The following KLHL7 variants were observed in gnomAD, a reference collection of about 807,000 sequenced individuals.
KLHL7 encodes the protein kelch-like protein 7.
Under a neutral mutation model 67.4 loss-of-function variants are expected in KLHL7, and 44 were observed. The observed-to-expected ratio is 0.65, with a 90% CI of 0.51 to 0.84. The LOEUF is 0.84. Ranked by LOEUF, KLHL7 falls within the 40% of genes least tolerant of loss-of-function variation. The pLI is 0.00. For synonymous variants in KLHL7, 252 were observed against 243.3 expected, an observed-to-expected ratio of 1.04 and a Z score of -0.33; for missense variants, 362 against 718.1, an observed-to-expected ratio of 0.50 and a Z score of 5.67.
chr7:23,125,314 T>A, intron 4 of KLHL7, 142 bp downstream of exon 4: 6 of 788,798 alleles, frequency 7.6e-6, no homozygotes, highest in Non-Finnish European at 1.2e-5. Context: ...GTAATAAAAT[T>A]TAAGAGGGGC....
chr7:23,171,555 G>A (rs891513769), intron 9 of KLHL7, among the ~76,000 whole-genome samples: 15 of 152,202 alleles, frequency 9.9e-5, no homozygotes, highest in African/African-American at 3.6e-4. Flanking sequence ...CAGGAGCCAT[G>A]CTGTCCACCT....
At chr7:23,127,372 C>T (rs981538826) in intron 4 of KLHL7, among the ~76,000 whole-genome samples, 1 of 152,120 alleles carries the variant, frequency 6.6e-6, no homozygotes, top group Admixed American at 6.6e-5. Context: ...AGGACAGCCC[C>T]GCCACCTAGA....
At position 23,167,868 on chromosome 7, in the gene KLHL7, G is replaced by T. The variant is rs762868098; in HGVS notation, c.1210G>T (p.Asp404Tyr). ...NSALYLFECY[D>Y]TRTESWHTKP... ...AGCTCTGTATTTATTTGAGTGCTAT[G>T]ATACGAGAACTGAAAGCTGGCACAC... Residue 404 changes from aspartate to tyrosine, a missense_variant, in exon 9 of 11, where the codon GAT (aspartate) becomes TAT (tyrosine). Physicochemically the swap from Asp to Tyr is radical, Grantham distance 160 (BLOSUM62 -3). Around this residue, in one of 5 missense-constraint regions of KLHL7, gnomAD observed 136 missense variants for 252.7 expected, o/e 0.54. Coordinates refer to ENST00000339077, the MANE Select transcript of KLHL7 (RefSeq NM_001031710.3). The T allele has an allele frequency of 1.3e-5, 21 of 1,614,176 alleles. No homozygotes were observed. The highest frequency in any genetic ancestry group is 1.8e-5 in the Non-Finnish European group (21 of 1,180,024).
intron 1 of KLHL7, among the ~76,000 whole-genome samples, chr7:23,109,610 T>C (rs1583630321): frequency 6.6e-6 from 1 of 152,232 alleles, no homozygotes; most frequent in East Asian, 1.9e-4. Context: ...GGCAGTTAAC[T>C]GGGCTCACCT....
chr7:23,137,754 C>T (rs961878434), intron 4 of KLHL7, among the ~76,000 whole-genome samples: 1 of 150,648 alleles, frequency 6.6e-6, no homozygotes, highest in African/African-American at 2.4e-5. Flanking sequence ...GCTGGGGTTA[C>T]AGGCATGAGC....
At chr7:23,133,416 T>TTTTATTTTA (rs1783869299) in intron 4 of KLHL7, among the ~76,000 whole-genome samples, 1 of 151,636 alleles carries the variant, frequency 6.6e-6, no homozygotes, top group Non-Finnish European at 1.5e-5. Context: ...GGGCTACTTA[T>TTTTATTTTA]TTTATTTTAT....
chr7:23,134,329 A>G (rs2128462813), intron 4 of KLHL7, among the ~76,000 whole-genome samples: 1 of 152,216 alleles, frequency 6.6e-6, no homozygotes, highest in East Asian at 1.9e-4. Flanking sequence ...TATATTTTTA[A>G]TGTGTTGTTG....
At chr7:23,155,856 G>T in intron 7 of KLHL7, 1 of 233,724 alleles carries the variant, frequency 4.3e-6, no homozygotes. Flanking sequence ...TGTACAGATG[G>T]GCAAGAAGAA....
chr7:23,116,414 T>C (rs1022533135), intron 1 of KLHL7, among the ~76,000 whole-genome samples: 2 of 152,250 alleles, frequency 1.3e-5, no homozygotes, highest in Non-Finnish European at 2.9e-5. Flanking sequence ...TTCTGTCACC[T>C]ATTTGTGTCA....
intron 1 of KLHL7, among the ~76,000 whole-genome samples, chr7:23,120,901 T>C (rs1462840052): frequency 6.6e-6 from 1 of 152,176 alleles, no homozygotes; most frequent in African/African-American, 2.4e-5. Context: ...CCTACAGTGA[T>C]ATAGAATATT....
At chr7:23,117,105 T>TTTTTTTTTTA (rs1783122814) in intron 1 of KLHL7, among the ~76,000 whole-genome samples, 1 of 141,096 alleles carries the variant, frequency 7.1e-6, no homozygotes, top group African/African-American at 2.8e-5. Flanking sequence ...TTTTTTTTTT[T>TTTTTTTTTTA]GAGATCAAGT....
chr7:23,168,600 G>A (rs1785068397), intron 9 of KLHL7, among the ~76,000 whole-genome samples: 1 of 152,228 alleles, frequency 6.6e-6, no homozygotes, highest in Non-Finnish European at 1.5e-5. Context: ...TGACCTTGTA[G>A]TTAATGATGG....
At position 23,131,526 on chromosome 7, in the gene KLHL7, G is replaced by A. The variant is rs566292560; in HGVS notation, c.442+6354G>A. Among the ~76,000 whole-genome samples the A allele has an allele frequency of 5.9e-5, 9 of 152,016 alleles. No individual in the cohort carries two copies. The South Asian group carries it at 1.9e-3, about 32-fold the overall frequency. On this transcript the variant is annotated intron_variant, in intron 4 of 10. Coordinates refer to ENST00000339077, the MANE Select transcript of KLHL7 (RefSeq NM_001031710.3). The stretch of plus-strand genomic sequence containing the variant: ...TGTTTATTTTTGTGGGTACATAGTT[G>A]GTATATTTATGTGGTATATAAAATG...
intron 6 of KLHL7, among the ~76,000 whole-genome samples, chr7:23,144,751 T>C (rs1784303198): frequency 6.6e-6 from 1 of 152,196 alleles, no homozygotes; most frequent in Non-Finnish European, 1.5e-5. Flanking sequence ...TAGAGTATAT[T>C]ATCAGTAAAT....
chr7:23,123,803 G>A lies in KLHL7; in HGVS notation c.147G>A (p.Met49Ile). The A allele has an allele frequency of 6.2e-7, 1 of 1,613,456 alleles. No homozygotes were observed. Among genetic ancestry groups the A allele is most frequent in the Non-Finnish European group, 8.5e-7 (1 of 1,179,620 alleles). The change falls in exon 2 of 11, where the codon ATG becomes ATA. Residue 49 changes from methionine to isoleucine, a missense_variant. Transcript: ENST00000339077. ...KQKTLCDVIL[M>I]VQERKIPAHR... ...AAACGTTGTGTGACGTGATCCTCAT[G>A]GTCCAGGAAAGAAAGATACCTGCTC...
chr7:23,152,557 G>GT (rs903698999), intron 7 of KLHL7, among the ~76,000 whole-genome samples: 1 of 151,778 alleles, frequency 6.6e-6, no homozygotes, highest in Non-Finnish European at 1.5e-5. Flanking sequence ...AAATTTGTTT[G>GT]TTTTTTTCCC....
At chr7:23,161,026 A>G (rs1784840127) in intron 7 of KLHL7, among the ~76,000 whole-genome samples, 1 of 152,220 alleles carries the variant, frequency 6.6e-6, no homozygotes. Flanking sequence ...CTGTTAAAAC[A>G]TTTAGCACTA....
intron 2 of KLHL7, among the ~76,000 whole-genome samples, chr7:23,124,091 A>G (rs1323097979): frequency 1.3e-5 from 2 of 149,108 alleles, no homozygotes; most frequent in Non-Finnish European, 3.0e-5. Flanking sequence ...TGATGGAGGT[A>G]CAGCTTCTAC....
chr7:23,113,702 T>G (rs1288813981), intron 1 of KLHL7, among the ~76,000 whole-genome samples: 1 of 152,082 alleles, frequency 6.6e-6, no homozygotes, highest in Non-Finnish European at 1.5e-5. Flanking sequence ...GACGCATGCC[T>G]GTAATCCCAG....
Sources: gnomAD v4.1 joint callset for allele counts (sites outside exome capture counted in the v4.1 genomes callset) on GRCh38, gnomAD v4.1.1 for gene constraint, gnomAD v4.1.1 regional missense constraint, MANE v1.5 for transcripts, NCBI Gene and HGNC (gene_info 2026-07-23, HGNC 2026-07-21) for gene names.